The following RELB variants were observed in gnomAD, a reference collection of about 807,000 sequenced individuals.
RELB encodes RELB proto-oncogene, NF-kB subunit, also known as transcription factor RelB.
A neutral mutation model predicts 55.4 loss-of-function variants in RELB; 14 were observed. The observed-to-expected ratio is 0.25, with a 90% CI of 0.17 to 0.40. RELB has a LOEUF of 0.40. RELB is among the 10% of genes least tolerant of loss of function. The probability of loss-of-function intolerance (pLI) is 1.00; values close to 1 mark genes in which losing one functional copy is unlikely to be tolerated. For synonymous variants in RELB, 409 were observed against 371.3 expected (o/e 1.10, Z -1.17); for missense variants, 669 against 830.7 (o/e 0.81, Z 2.39).
chr19:45,009,878 A>C, intron 3 of RELB, 56 bp downstream of exon 3: 29 of 1,459,718 alleles, frequency 2.0e-5, no homozygotes, highest in Non-Finnish European at 2.5e-5. Flanking sequence ...TGCCTACAGA[A>C]GGGGGTCTTG....
intron 8 of RELB, among the ~76,000 whole-genome samples, chr19:45,029,200 C>T (rs117071266): frequency 0.012 from 1,832 of 152,302 alleles, 14 homozygotes; most frequent in South Asian, 0.032. Flanking sequence ...CTGCGTAGGA[C>T]GACAGAGACT....
chr19:45,033,167 C>G (rs548933929), intron 9 of RELB, among the ~76,000 whole-genome samples: 2 of 152,228 alleles, frequency 1.3e-5, no homozygotes, highest in African/African-American at 2.4e-5. Context: ...ATGAAGTGCT[C>G]AAGGGCTCAC....
At chr19:45,014,529 T>TTC (rs1971399752) in intron 4 of RELB, among the ~76,000 whole-genome samples, 1 of 149,960 alleles carries the variant, frequency 6.7e-6, no homozygotes, top group African/African-American at 2.4e-5. Flanking sequence ...GTTTTTTGGT[T>TTC]TTTTTTTTGA....
Position 45,037,494 on chromosome 19 carries a change from C to G in RELB, c.1444C>G (p.Pro482Ala), listed in dbSNP as rs775624572. The G allele has an allele frequency of 6.2e-7, 1 of 1,612,648 alleles. No homozygotes were observed. The highest frequency in any genetic ancestry group is 8.5e-7 in the Non-Finnish European group (1 of 1,179,712). Residue 482 changes from proline to alanine, a missense_variant, in exon 12 of 12, where the codon CCT becomes GCT. Transcript: ENST00000221452. ...GCCCGGCCTGGAGCCCCCTGGCGGGCCTGACCTCCTGGACGATGGCTTTGC... is the reference window on the plus strand; with the variant it reads ...GCCCGGCCTGGAGCCCCCTGGCGGGGCTGACCTCCTGGACGATGGCTTTGC... ...SLPGLEPPGG[P>A]DLLDDGFAYD...
At chr19:45,037,238 C>T (rs1299744145) in intron 11 of RELB, among the ~76,000 whole-genome samples, 167 bp from the exon 12 acceptor site, 3 of 149,730 alleles carry the variant, frequency 2.0e-5, no homozygotes, top group Non-Finnish European at 4.4e-5. Context: ...GCCAAGAGCA[C>T]GTCATTGCAC....
rs1600067365 is a variant in RELB, at chr19:45,012,243, C to T, written c.471C>T (p.Ser157=). 2.1e-6 allele frequency: 3 copies of T among 1,449,196 alleles called. No individual in the cohort carries two copies. Among genetic ancestry groups the T allele is most frequent in the Non-Finnish European group, 1.8e-6 (2 of 1,112,862 alleles). The allele number at this position is 1,449,196 out of a possible 1,614,324, so 89.8% of individuals were successfully genotyped here. The stretch of plus-strand genomic sequence containing the variant: ...CCGGCAGCATCCTTGGGGAGAGCAG[C>T]ACCGAGGCCAGCAAGACGCTGCCCG... ...RSAGSILGES[S]TEASKTLPAI... Residue 157 remains serine (S), a synonymous_variant, in exon 4 of 12, where the codon AGC becomes AGT. Transcript: ENST00000221452.
intron 2 of RELB, among the ~76,000 whole-genome samples, chr19:45,003,242 C>T (rs1322945867): frequency 6.6e-6 from 1 of 151,974 alleles, no homozygotes; most frequent in South Asian, 2.1e-4. Context: ...GAGGCCGAGG[C>T]GGACGGATCA....
At chr19:45,026,277 C>T (rs1971557227) in intron 7 of RELB, among the ~76,000 whole-genome samples, 1 of 150,980 alleles carries the variant, frequency 6.6e-6, no homozygotes, top group Admixed American at 6.6e-5. Context: ...GTGACATGCA[C>T]CTGTAGTCCC....
At position 45,032,697 on chromosome 19, in the gene RELB, C is replaced by T. The variant is rs373225536; in HGVS notation, c.1155C>T (p.Thr385=). ...TCAACGTCTTCCTGCAGCGGCTCACCGATGGGGTCTGCAGCGAGCCATTGC... is the reference window on the plus strand; with the variant it reads ...TCAACGTCTTCCTGCAGCGGCTCACTGATGGGGTCTGCAGCGAGCCATTGC... The part of the protein sequence containing the change: ...VTVNVFLQRL[T]DGVCSEPLPF... Residue 385 remains threonine, a synonymous_variant, in exon 9 of 12, where the codon ACC becomes ACT. Coordinates refer to ENST00000221452, the MANE Select transcript of RELB (RefSeq NM_006509.4). The T allele has an allele frequency of 3.7e-5, 59 of 1,610,272 alleles. No homozygotes were observed. The highest frequency in any genetic ancestry group is 1.2e-4 in the Admixed American group (7 of 59,390).
intron 8 of RELB, among the ~76,000 whole-genome samples, chr19:45,031,893 A>G (rs921440436): frequency 6.6e-6 from 1 of 151,660 alleles, no homozygotes; most frequent in African/African-American, 2.4e-5. Context: ...TATTAATTCT[A>G]CCTACCTCTT....
Position 45,025,652 on chromosome 19 carries a change from G to A in RELB, c.801G>A (p.Arg267=), listed in dbSNP as rs1568402907. 2.5e-6 allele frequency: 4 copies of A among 1,614,002 alleles called. No individual in the cohort carries two copies. Among genetic ancestry groups the A allele is most frequent in the Non-Finnish European group, 1.7e-6 (2 of 1,179,902 alleles). The part of the protein sequence containing the change: ...NHQEVDMNVV[R]ICFQASYRDQ... Reference sequence around the variant, plus strand: ...AGGAAGTAGACATGAATGTGGTGAGGATCTGCTTCCAGGCCTCATATCGGG... The same window carrying A: ...AGGAAGTAGACATGAATGTGGTGAGAATCTGCTTCCAGGCCTCATATCGGG... The change falls in exon 7 of 12, where the codon AGG becomes AGA. Residue 267 remains arginine, a synonymous_variant. Coordinates refer to ENST00000221452, the MANE Select transcript of RELB (RefSeq NM_006509.4).
chr19:45,028,348 T>G (rs572915483), intron 7 of RELB, among the ~76,000 whole-genome samples: 91 of 151,604 alleles, frequency 6.0e-4, no homozygotes, highest in Admixed American at 1.5e-3. Context: ...TTTGTTATTT[T>G]TTTGTTTGTT....
intron 4 of RELB, among the ~76,000 whole-genome samples, chr19:45,021,109 G>C (rs1411528673): frequency 6.6e-6 from 1 of 152,018 alleles, no homozygotes; most frequent in Non-Finnish European, 1.5e-5. Flanking sequence ...CGGAGGCGGA[G>C]GTTGCAGTGA....
chr19:45,022,463 CA>C, intron 5 of RELB, among the ~76,000 whole-genome samples: 1 of 152,042 alleles, frequency 6.6e-6, no homozygotes, highest in African/African-American at 2.4e-5. Flanking sequence ...GTAAGGAGCA[CA>C]GATAATTGAT....
At chr19:45,022,312 A>G (rs1971499667) in intron 5 of RELB, 102 bp downstream of exon 5, 12 of 1,150,442 alleles carry the variant, frequency 1.0e-5, no homozygotes, top group Non-Finnish European at 1.3e-5. Context: ...GCTTGGGTAA[A>G]CCCTCCCCAC....
intron 9 of RELB, among the ~76,000 whole-genome samples, chr19:45,033,681 TACAGGCACCCGCC>T (rs1971652228): frequency 6.6e-6 from 1 of 151,044 alleles, no homozygotes; most frequent in Non-Finnish European, 1.5e-5. Context: ...CAAGACTCAC[TACAGGCACCCGCC>T]ACCATGCCCG....
rs1375124300 is a variant in RELB at position 45,001,552 on chromosome 19, C to T, written c.-28C>T. The stretch of plus-strand genomic sequence containing the variant: ...CCCGCGATCGTCCACCAGACCGTGC[C>T]TCCCGGCCGCCCGGCCGGCCCGCGT... On this transcript the variant is annotated 5_prime_UTR_variant, in exon 1 of 12. Transcript: ENST00000221452. 36 of 1,372,912 alleles carry T rather than the reference C, an allele frequency of 2.6e-5. No homozygotes were observed. Among genetic ancestry groups the T allele is most frequent in the Non-Finnish European group, 3.3e-5 (35 of 1,046,184 alleles). The allele number at this position is 1,372,912 out of a possible 1,614,324, so 85.0% of individuals were successfully genotyped here.
At chr19:45,031,913 T>C (rs1215782530) in intron 8 of RELB, among the ~76,000 whole-genome samples, 1 of 151,756 alleles carries the variant, frequency 6.6e-6, no homozygotes, top group African/African-American at 2.4e-5. Context: ...TAAATTGTTA[T>C]AAGGATTAAA....
chr19:45,006,141 G>T (rs543059082), intron 2 of RELB, among the ~76,000 whole-genome samples: 3 of 152,300 alleles, frequency 2.0e-5, no homozygotes, highest in South Asian at 2.1e-4. Flanking sequence ...AGAAACCTTG[G>T]GGTCAATGAT....
Sources: allele counts gnomAD v4.1 joint callset (sites outside exome capture counted in the v4.1 genomes callset), GRCh38; gene constraint gnomAD v4.1.1; transcripts MANE v1.5; gene names NCBI Gene and HGNC (gene_info 2026-07-23, HGNC 2026-07-21).